Variants in NF1 observed in about 807,000 individuals in gnomAD.
The protein encoded by NF1 is neurofibromin 1.
A neutral mutation model predicts 325.7 loss-of-function variants in NF1; 122 were observed. The ratio of observed to expected loss-of-function variants is 0.37; its 90% CI spans 0.32 to 0.44. The LOEUF is 0.44. Ranked by LOEUF, NF1 falls within the 20% of genes least tolerant of loss-of-function variation. The pLI is 1.00. For synonymous variants in NF1, 1,091 were observed against 1,186.0 expected (o/e 0.92, Z 1.65); for missense variants, 2,140 against 3,415.4 (o/e 0.63, Z 9.31).
At chr17:31,358,909 T>G (rs76541334) in intron 55 of NF1, 60 bp from the exon 56 acceptor site, 1 of 1,442,894 alleles carries the variant, frequency 6.9e-7, no homozygotes, top group Non-Finnish European at 9.7e-7. Flanking sequence ...ACTTATTTAA[T>G]TTCTGTTACA....
At chr17:31,227,705 A>G in intron 20 of NF1, 99 bp downstream of exon 20, 1 of 1,046,102 alleles carries the variant, frequency 9.6e-7, no homozygotes, top group South Asian at 1.3e-5. Flanking sequence ...AAGTAAACAT[A>G]TAGCTGTGTG....
intron 54 of NF1, 108 bp from the exon 55 acceptor site, chr17:31,358,372 T>G: frequency 8.4e-7 from 1 of 1,196,710 alleles, no homozygotes; most frequent in African/African-American, 1.5e-5. Context: ...CTCATCTCCC[T>G]TTAATTTTGG....
At chr17:31,278,769 C>T (rs552692520) in intron 36 of NF1, among the ~76,000 whole-genome samples, 262 of 151,876 alleles carry the variant, frequency 1.7e-3, no homozygotes, top group African/African-American at 6.2e-3. Context: ...TGCCTGCCAC[C>T]ACGCCTGGCT....
chr17:31,194,135 C>T (rs1013893090), intron 8 of NF1, among the ~76,000 whole-genome samples: 3 of 152,070 alleles, frequency 2.0e-5, no homozygotes, highest in Non-Finnish European at 4.4e-5. Flanking sequence ...TGGAATCATC[C>T]TAAGTATCTA....
At chr17:31,314,661 A>T (rs1323938781) in intron 36 of NF1, among the ~76,000 whole-genome samples, 6 of 152,128 alleles carry the variant, frequency 3.9e-5, no homozygotes, top group African/African-American at 1.4e-4. Flanking sequence ...GCTGAATAAT[A>T]CTCCATTGTG....
intron 36 of NF1, among the ~76,000 whole-genome samples, chr17:31,286,665 G>A (rs188009202): frequency 5.3e-5 from 8 of 152,274 alleles, no homozygotes; most frequent in African/African-American, 1.9e-4. Context: ...ATACAGATGA[G>A]TATTTAATGT....
At position 31,142,085 on chromosome 17, in the gene NF1, A is replaced by C. The variant is rs9910605; in HGVS notation, c.61-13898A>C. Among the ~76,000 whole-genome samples, 1,093 of 152,320 alleles carry C rather than the reference A, an allele frequency of 7.2e-3. 15 individuals are homozygous for C. The highest frequency in any genetic ancestry group is 0.025 in the African/African-American group (1,051 of 41,578). On this transcript the variant is annotated intron_variant, in intron 1 of 57. Coordinates refer to ENST00000358273, the MANE Select transcript of NF1 (RefSeq NM_001042492.3). Reference sequence around the variant, plus strand: ...CCTGTGACCTTTTGAAGAATTTTCTAAGTGAAACTAGAAACAAATTAACCA... The same window carrying C: ...CCTGTGACCTTTTGAAGAATTTTCTCAGTGAAACTAGAAACAAATTAACCA...
At chr17:31,184,891 T>TA (rs2066210735) in intron 8 of NF1, among the ~76,000 whole-genome samples, 1 of 152,186 alleles carries the variant, frequency 6.6e-6, no homozygotes, top group African/African-American at 2.4e-5. Context: ...TGTCTACTGT[T>TA]AAAGTGTGGG....
At chr17:31,277,926 G>T (rs554227941) in intron 36 of NF1, among the ~76,000 whole-genome samples, 3 of 152,264 alleles carry the variant, frequency 2.0e-5, no homozygotes, top group Admixed American at 2.0e-4. Flanking sequence ...CCTGTTTCCT[G>T]CTAGAACCTT....
intron 17 of NF1, among the ~76,000 whole-genome samples, chr17:31,226,014 C>T (rs1486082097): frequency 6.6e-6 from 1 of 152,022 alleles, no homozygotes; most frequent in East Asian, 1.9e-4. Context: ...TTATTACTTC[C>T]CTATAGCAAG....
chr17:31,265,810 A>G (rs867112047), intron 36 of NF1, among the ~76,000 whole-genome samples: 1 of 152,140 alleles, frequency 6.6e-6, no homozygotes, highest in Non-Finnish European at 1.5e-5. Flanking sequence ...CTCTATGAAG[A>G]TGGTGCAAGG....
chr17:31,332,543 A>C (rs1179125210), intron 39 of NF1, among the ~76,000 whole-genome samples: 1 of 152,052 alleles, frequency 6.6e-6, no homozygotes, highest in East Asian at 1.9e-4. Context: ...CGATTAATAA[A>C]AAGTGGATTA....
intron 1 of NF1, among the ~76,000 whole-genome samples, chr17:31,154,933 T>A (rs2065632756): frequency 6.6e-6 from 1 of 151,820 alleles, no homozygotes; most frequent in Admixed American, 6.6e-5. Flanking sequence ...AGAGTCTGGG[T>A]TCACCATGTT....
At chr17:31,258,560 T>C (rs2067626441) in intron 32 of NF1, 58 bp downstream of exon 32, 1 of 1,554,646 alleles carries the variant, frequency 6.4e-7, no homozygotes, top group South Asian at 1.1e-5. Flanking sequence ...AATTTTCAGC[T>C]TTTCTTACAG....
intron 51 of NF1, among the ~76,000 whole-genome samples, chr17:31,354,991 C>T (rs1382756334): frequency 6.6e-6 from 1 of 152,154 alleles, no homozygotes; most frequent in Non-Finnish European, 1.5e-5. Context: ...AGGACTAATA[C>T]GTTCACAGTA....
rs138960283 is a variant in NF1, at chr17:31,112,950, CAT to C, written c.60+17583_60+17584del. Among the ~76,000 whole-genome samples the C allele has an allele frequency of 3.6e-3, 555 of 152,270 alleles. 6 individuals carry two copies. Among genetic ancestry groups the C allele is most frequent in the African/African-American group, 0.013 (527 of 41,554 alleles). ...CTATGTGCCTGTTATGCCAATACCACATAGTCTTAACTATAAAAGAGCTTAAC... is the reference window on the plus strand; with the variant it reads ...CTATGTGCCTGTTATGCCAATACCACAGTCTTAACTATAAAAGAGCTTAAC... On this transcript the variant is annotated intron_variant, in intron 1 of 57. Transcript: ENST00000358273.
chr17:31,188,786 A>G (rs2066286291), intron 8 of NF1, among the ~76,000 whole-genome samples: 1 of 152,008 alleles, frequency 6.6e-6, no homozygotes, highest in South Asian at 2.1e-4. Context: ...AAAAAGAGAG[A>G]TGGGCCTAGC....
intron 1 of NF1, among the ~76,000 whole-genome samples, chr17:31,150,802 TG>T (rs1916880571): frequency 6.6e-6 from 1 of 151,844 alleles, no homozygotes; most frequent in Non-Finnish European, 1.5e-5. Context: ...GAGGCCGAGG[TG>T]GGTGGATTAC....
At chr17:31,178,841 A>G (rs532223868) in intron 5 of NF1, among the ~76,000 whole-genome samples, 2 of 152,334 alleles carry the variant, frequency 1.3e-5, no homozygotes, top group East Asian at 3.9e-4. Context: ...TGCACCCAAT[A>G]CAGGAACACC....
Sources: gnomAD v4.1 joint callset for allele counts (sites outside exome capture counted in the v4.1 genomes callset) on GRCh38, gnomAD v4.1.1 for gene constraint, MANE v1.5 for transcripts, NCBI Gene and HGNC (gene_info 2026-07-23, HGNC 2026-07-21) for gene names.